The following GAL3ST2 variants were observed in gnomAD, a reference collection of about 807,000 sequenced individuals.
The protein encoded by GAL3ST2 is galactose-3-O-sulfotransferase 2.
Under a neutral mutation model 12.9 loss-of-function variants are expected in GAL3ST2, and 16 were observed. That is an observed-to-expected ratio of 1.24 (90% CI 0.84 to 1.88). The LOEUF is 1.88. GAL3ST2 is among the 40% of genes most tolerant of loss of function. GAL3ST2 has a pLI of 0.00. For missense variants in GAL3ST2, 639 were observed against 571.8 expected (o/e 1.12, Z -1.20); for synonymous variants, 302 against 273.9 (o/e 1.10, Z -1.01).
At chr2:241,791,544 C>A (rs1002596858) in intron 1 of GAL3ST2, among the ~76,000 whole-genome samples, 11 of 152,156 alleles carry the variant, frequency 7.2e-5, no homozygotes, top group African/African-American at 2.4e-4. Context: ...CTGACAGGTC[C>A]AGGAGCCCCA....
chr2:241,796,384 C>T (rs753882867), intron 1 of GAL3ST2, among the ~76,000 whole-genome samples: 3 of 152,094 alleles, frequency 2.0e-5, no homozygotes, highest in Non-Finnish European at 4.4e-5. Context: ...GGCCAGGAGA[C>T]GTACAAAGCA....
intron 1 of GAL3ST2, among the ~76,000 whole-genome samples, chr2:241,779,646 C>T (rs976728729): frequency 3.3e-5 from 5 of 152,008 alleles, no homozygotes; most frequent in African/African-American, 1.2e-4. Flanking sequence ...AAAATCGATA[C>T]AGGCCACACT....
In GAL3ST2 at chr2:241,799,092, C is replaced by T. The variant is rs1559417604; in HGVS notation, c.57C>T (p.Leu19=). Residue 19 remains leucine (L), a synonymous_variant, in exon 2 of 4, where the codon CTC becomes CTT. Transcript: ENST00000192314. Reference sequence around the variant, plus strand: ...ACTTCCGGGTCATCCTCCTCCTCCTCCTGGCCCTGACTCTGCTCCTGCTGG... The same window carrying T: ...ACTTCCGGGTCATCCTCCTCCTCCTTCTGGCCCTGACTCTGCTCCTGCTGG... ...QRYFRVILLL[L]LALTLLLLAG... 6.2e-7 allele frequency: 1 copy of T among 1,613,714 alleles called. No individual in the cohort carries two copies. The highest frequency in any genetic ancestry group is 8.5e-7 in the Non-Finnish European group (1 of 1,180,004).
chr2:241,798,474 G>A (rs1699802023), intron 1 of GAL3ST2, among the ~76,000 whole-genome samples: 1 of 152,140 alleles, frequency 6.6e-6, no homozygotes, highest in African/African-American at 2.4e-5. Flanking sequence ...GGTGGGGAGT[G>A]GAAGCTGCAC....
rs1356632434 is a variant in GAL3ST2 at position 241,802,204 on chromosome 2, T to A, written c.375+168T>A. On this transcript the variant is annotated intron_variant, in intron 3 of 3. Coordinates refer to ENST00000192314, the MANE Select transcript of GAL3ST2 (RefSeq NM_022134.3). This position sits in a 1 kb window ranked among gnomAD's most constrained non-coding sequence, Gnocchi z 4.8. ...CCGCACGCCCTGCTGAGCCAACCCC[T>A]GCCCCTCCAGGCGGCCAGTCGCCTG... Among the ~76,000 whole-genome samples, 1 of 152,124 alleles carries A rather than the reference T, an allele frequency of 6.6e-6. No homozygotes were observed. The highest frequency in any genetic ancestry group is 1.5e-5 in the Non-Finnish European group (1 of 67,984).
intron 1 of GAL3ST2, among the ~76,000 whole-genome samples, chr2:241,798,735 G>C (rs889676436): frequency 2.6e-5 from 4 of 152,156 alleles, no homozygotes; most frequent in Admixed American, 2.0e-4. Flanking sequence ...TGCGTGGGTA[G>C]AGGTCCCCTG....
Position 241,801,917 on chromosome 2 carries a change from G to T in GAL3ST2, c.256G>T (p.Ala86Ser). 1 of 1,612,974 alleles carries T rather than the reference G, an allele frequency of 6.2e-7. No individual in the cohort carries two copies. Among genetic ancestry groups the T allele is most frequent in the Non-Finnish European group, 8.5e-7 (1 of 1,179,944 alleles). ...CCACAACCTGTCCGTGGCGCTGCCC[G>T]CCGGCTCACGCGTCCACCTGGGCTA... ...ETHNLSVALP[A>S]GSRVHLGYPW... Residue 86 changes from alanine (A) to serine (S), a missense_variant, in exon 3 of 4, where the codon GCC becomes TCC. Coordinates refer to ENST00000192314, the MANE Select transcript of GAL3ST2 (RefSeq NM_022134.3). The surrounding 1 kb of genome is among the most constrained non-coding windows in gnomAD (Gnocchi z 4.4).
In GAL3ST2 at chr2:241,804,040, C is replaced by T. The variant is rs1482687693; in HGVS notation, c.1071C>T (p.Gly357=). Residue 357 remains glycine, a synonymous_variant, in exon 4 of 4, where the codon GGC becomes GGT. Coordinates refer to ENST00000192314, the MANE Select transcript of GAL3ST2 (RefSeq NM_022134.3). ...ADILGYNLRP[G]LDNQTLGVCQ... is the part of the protein sequence containing the mutation. ...TCCTGGGTTACAACCTCCGGCCGGGCCTGGACAACCAGACGCTGGGCGTGT... is the reference window on the plus strand; with the variant it reads ...TCCTGGGTTACAACCTCCGGCCGGGTCTGGACAACCAGACGCTGGGCGTGT... The T allele has an allele frequency of 3.8e-6, 6 of 1,562,942 alleles. No homozygotes were observed. The highest frequency in any genetic ancestry group is 5.2e-6 in the Non-Finnish European group (6 of 1,156,092).
chr2:241,784,602 T>G (rs768877261), intron 1 of GAL3ST2, among the ~76,000 whole-genome samples: 1 of 152,234 alleles, frequency 6.6e-6, no homozygotes, highest in Non-Finnish European at 1.5e-5. Flanking sequence ...ACTAGTCTTT[T>G]TTCTTTAGTA....
rs1699879985 is a variant in GAL3ST2 at position 241,803,258 on chromosome 2, G to A, written c.376-87G>A. ...GAGGATGGGGGTGCTCCTTGAGCGGGTGTGGCCAGGGCGCGCCTCCTCCCC... is the reference window on the plus strand; with the variant it reads ...GAGGATGGGGGTGCTCCTTGAGCGGATGTGGCCAGGGCGCGCCTCCTCCCC... On this transcript the variant is annotated intron_variant, in intron 3 of 3. Coordinates refer to ENST00000192314, the MANE Select transcript of GAL3ST2 (RefSeq NM_022134.3). 2.8e-6 allele frequency: 3 copies of A among 1,066,670 alleles called. No homozygotes were observed. The South Asian group carries it at 4.9e-5, about 17-fold the overall frequency. The allele number at this position is 1,066,670 out of a possible 1,614,324, so 66.1% of individuals were successfully genotyped here. A position where few individuals can be genotyped will look rare whatever the true frequency, so the allele number is the denominator to read the frequency against.
rs2125194697 is a variant in GAL3ST2, at chr2:241,795,488, G to A, written c.30-3577G>A. Among the ~76,000 whole-genome samples the A allele has an allele frequency of 1.3e-5, 2 of 152,352 alleles. No homozygotes were observed. The highest frequency in any genetic ancestry group is 1.9e-4 in the East Asian group (1 of 5,176). On this transcript the variant is annotated intron_variant, in intron 1 of 3. Transcript: ENST00000192314. This position sits in a 1 kb window ranked among gnomAD's most constrained non-coding sequence, Gnocchi z 4.5. ...GTGAGGGGCCATAAAGGTGCAGGGTGTTTGAGGAAGGAGTTGACTATGGCG... is the reference window on the plus strand; with the variant it reads ...GTGAGGGGCCATAAAGGTGCAGGGTATTTGAGGAAGGAGTTGACTATGGCG...
intron 1 of GAL3ST2, among the ~76,000 whole-genome samples, chr2:241,798,864 G>C (rs1699807815): frequency 6.6e-6 from 1 of 152,172 alleles, no homozygotes; most frequent in South Asian, 2.1e-4. Flanking sequence ...TGGTCGGGAT[G>C]GGGTCAGATT....
Position 241,803,926 on chromosome 2 carries a change from C to A in GAL3ST2, c.957C>A (p.Ser319Arg). Residue 319 changes from serine to arginine, a missense_variant, in exon 4 of 4, where the codon AGC becomes AGA. By Grantham distance (110) the Ser-to-Arg change is moderately radical. Transcript: ENST00000192314. ...RLRARRRELA[S>R]LCLQDGGALK... ...GCGCCCGGAGGCGCGAACTCGCGAG[C>A]CTGTGCCTGCAGGACGGCGGCGCGC... 1 of 1,435,936 alleles carries A rather than the reference C, an allele frequency of 7.0e-7. No individual in the cohort carries two copies. Among genetic ancestry groups the A allele is most frequent in the South Asian group, 1.5e-5 (1 of 65,732 alleles). The allele number at this position is 1,435,936 out of a possible 1,614,324, so 88.9% of individuals were successfully genotyped here.
At position 241,793,779 on chromosome 2, in the gene GAL3ST2, T is replaced by G. The variant is rs1211695012; in HGVS notation, c.30-5286T>G. On this transcript the variant is annotated intron_variant, in intron 1 of 3. Transcript: ENST00000192314. The surrounding 1 kb of genome is among the most constrained non-coding windows in gnomAD (Gnocchi z 4.7). ...ATTGTGTATGTGTAGTGTGTATTATTTGTGTGTGTGTGTATTGTGTGTGTA... is the reference window on the plus strand; with the variant it reads ...ATTGTGTATGTGTAGTGTGTATTATGTGTGTGTGTGTGTATTGTGTGTGTA... Among the ~76,000 whole-genome samples, 3 of 151,322 alleles carry G rather than the reference T, an allele frequency of 2.0e-5. No homozygotes were observed. The highest frequency in any genetic ancestry group is 4.4e-5 in the Non-Finnish European group (3 of 67,768).
intron 1 of GAL3ST2, among the ~76,000 whole-genome samples, chr2:241,790,504 G>T (rs1699682336): frequency 6.6e-6 from 1 of 152,104 alleles, no homozygotes; most frequent in African/African-American, 2.4e-5. Context: ...CTCTGATTTT[G>T]TATCTTGCCC....
At chr2:241,785,944 T>A (rs1699621954) in intron 1 of GAL3ST2, among the ~76,000 whole-genome samples, 1 of 152,210 alleles carries the variant, frequency 6.6e-6, no homozygotes, top group Non-Finnish European at 1.5e-5. Flanking sequence ...AAAATGTTTT[T>A]AAATCTCATT....
In GAL3ST2 at chr2:241,796,753, C is replaced by T. The variant is rs921430511; in HGVS notation, c.30-2312C>T. 8.5e-5 allele frequency among the ~76,000 whole-genome samples: 13 copies of T among 152,208 alleles called. No homozygotes were observed. In the South Asian group the frequency reaches 1.5e-3, roughly 17 times the overall value. Reference sequence around the variant, plus strand: ...AGAGTGGTCCTGACCAGTAGCTGAGCGCCCGGGGTAGATGGTTACTGGGTG... The same window carrying T: ...AGAGTGGTCCTGACCAGTAGCTGAGTGCCCGGGGTAGATGGTTACTGGGTG... On this transcript the variant is annotated intron_variant, in intron 1 of 3. Transcript: ENST00000192314.
intron 1 of GAL3ST2, among the ~76,000 whole-genome samples, chr2:241,777,995 C>T (rs191633241): frequency 7.9e-5 from 12 of 152,292 alleles, no homozygotes; most frequent in Admixed American, 7.8e-4. Context: ...ACAGGCTCCT[C>T]AGCTGCTGGT....
intron 1 of GAL3ST2, among the ~76,000 whole-genome samples, chr2:241,784,309 A>T (rs940247722): frequency 4.6e-5 from 7 of 152,222 alleles, no homozygotes; most frequent in African/African-American, 1.7e-4. Flanking sequence ...CTGGGATTAC[A>T]GGCGTGAGCC....
Sources: allele counts gnomAD v4.1 joint callset (sites outside exome capture counted in the v4.1 genomes callset), GRCh38; gene constraint gnomAD v4.1.1; non-coding constraint Gnocchi (gnomAD v3.1); transcripts MANE v1.5; gene names NCBI Gene and HGNC (gene_info 2026-07-23, HGNC 2026-07-21).